CNOT4: variants seen among roughly 807,000 people sequenced by gnomAD.
CNOT4 encodes the protein CCR4-associated factor 4.
A neutral mutation model predicts 73.8 loss-of-function variants in CNOT4; 8 were observed. The ratio of observed to expected loss-of-function variants is 0.11; its 90% CI spans 0.06 to 0.20. The LOEUF (loss-of-function observed/expected upper bound fraction) is 0.20, where lower values mean the gene tolerates loss of function less well. CNOT4 is among the 10% of genes least tolerant of loss of function. The pLI, the probability that CNOT4 is intolerant of heterozygous loss-of-function variation, is 1.00. For missense variants in CNOT4, 564 were observed against 883.4 expected (o/e 0.64, Z 4.58); for synonymous variants, 293 against 321.1 (o/e 0.91, Z 0.94).
chr7:135,363,793 A>G lies in CNOT4; in HGVS notation c.1840+61T>C, dbSNP rs1794768998. The G allele has an allele frequency of 7.6e-7, 1 of 1,318,232 alleles. No individual in the cohort carries two copies. The highest frequency in any genetic ancestry group is 2.0e-5 in the Admixed American group (1 of 48,984). The allele number at this position is 1,318,232 out of a possible 1,614,324, so 81.7% of individuals were successfully genotyped here. On this transcript the variant is annotated intron_variant, in intron 11 of 11. Transcript: ENST00000541284. The surrounding 1 kb of genome is among the most constrained non-coding windows in gnomAD (Gnocchi z 4.3). ...GTTGAAGAGATCTCGGTTTTTATTTAATCTGTGCTAAAAACCAAACTGTTG... is the reference window on the plus strand; with the variant it reads ...GTTGAAGAGATCTCGGTTTTTATTTGATCTGTGCTAAAAACCAAACTGTTG...
chr7:135,507,795 G>A (rs957854198), intron 1 of CNOT4, among the ~76,000 whole-genome samples: 17 of 152,016 alleles, frequency 1.1e-4, no homozygotes, highest in Non-Finnish European at 2.5e-4. Flanking sequence ...ATTTTTTAGA[G>A]TTAAAGATCA....
In CNOT4 at chr7:135,363,495, C is replaced by T. The variant is rs1465818756; in HGVS notation, c.1841-309G>A. 6.6e-6 allele frequency among the ~76,000 whole-genome samples: 1 copy of T among 152,130 alleles called. No homozygotes were observed. Among genetic ancestry groups the T allele is most frequent in the South Asian group, 2.1e-4 (1 of 4,822 alleles). ...TGCTTTTCCTCCTCTGACAGGGATG[C>T]GTAACAAGACAGCCTTATAATAGAG... On this transcript the variant is annotated intron_variant, in intron 11 of 11. Transcript: ENST00000541284. This position sits in a 1 kb window ranked among gnomAD's most constrained non-coding sequence, Gnocchi z 4.3.
At chr7:135,489,951 G>A (rs1802998146) in intron 1 of CNOT4, among the ~76,000 whole-genome samples, 1 of 152,146 alleles carries the variant, frequency 6.6e-6, no homozygotes, top group Non-Finnish European at 1.5e-5. Flanking sequence ...AAGAACATTT[G>A]CCTCTAGAGA....
In CNOT4 at chr7:135,475,847, G is replaced by A. The variant is rs1047072597; in HGVS notation, c.-93+34042C>T. Among the ~76,000 whole-genome samples the A allele has an allele frequency of 2.0e-5, 3 of 152,106 alleles. No individual in the cohort carries two copies. In the South Asian group the frequency reaches 6.2e-4, roughly 32 times the overall value. ...GACAGCTTGAGCCCAGGAAGTCAGGGCTGCAGTGAGCTATGTTCACGCCAC... is the reference window on the plus strand; with the variant it reads ...GACAGCTTGAGCCCAGGAAGTCAGGACTGCAGTGAGCTATGTTCACGCCAC... On this transcript the variant is annotated intron_variant, in intron 1 of 11. Coordinates refer to ENST00000541284, the MANE Select transcript of CNOT4 (RefSeq NM_001190850.2).
rs1157321689 is a variant in CNOT4, at chr7:135,467,716, AT to A, written c.-92-29294del. Among the ~76,000 whole-genome samples the A allele has an allele frequency of 2.0e-5, 3 of 152,004 alleles. No individual in the cohort carries two copies. In the East Asian group the frequency reaches 5.8e-4, roughly 29 times the overall value. On this transcript the variant is annotated intron_variant, in intron 1 of 11. Transcript: ENST00000541284. ...ACAGAGCAAGACCCTGTCTCCAAAA[AT>A]TTTTTTAATTAAAAAAAGATAAAAA...
intron 2 of CNOT4, among the ~76,000 whole-genome samples, chr7:135,429,856 C>T (rs1407263525): frequency 6.6e-6 from 1 of 152,204 alleles, no homozygotes; most frequent in African/African-American, 2.4e-5. Context: ...TCTTCCAGTA[C>T]TTACCAGATC....
Position 135,378,307 on chromosome 7 carries a change from C to G in CNOT4, c.1628-14241G>C, listed in dbSNP as rs560055966. Reference sequence around the variant, plus strand: ...TCATCTGAGGTCAGGAGCTCGAGACCAGCCTGGCCAACAATGTGAAACCCT... The same window carrying G: ...TCATCTGAGGTCAGGAGCTCGAGACGAGCCTGGCCAACAATGTGAAACCCT... On this transcript the variant is annotated intron_variant, in intron 10 of 11. Transcript: ENST00000541284. Among the ~76,000 whole-genome samples, 114 of 152,022 alleles carry G rather than the reference C, an allele frequency of 7.5e-4. 1 individual carries two copies. Among genetic ancestry groups the G allele is most frequent in the African/African-American group, 2.4e-3 (98 of 41,472 alleles).
intron 10 of CNOT4, among the ~76,000 whole-genome samples, chr7:135,391,572 G>A (rs1299242055): frequency 1.3e-5 from 2 of 151,772 alleles, no homozygotes; most frequent in African/African-American, 2.4e-5. Context: ...TTGAGTATAT[G>A]GTAAAAGTTT....
At chr7:135,398,559 C>A (rs956021985) in intron 7 of CNOT4, among the ~76,000 whole-genome samples, 1 of 151,812 alleles carries the variant, frequency 6.6e-6, no homozygotes, top group Admixed American at 6.6e-5. Context: ...GCAAGTATCC[C>A]AAAATCCAAA....
rs145251294 is a variant in CNOT4, at chr7:135,443,906, T to G, written c.-92-5483A>C. Among the ~76,000 whole-genome samples, 1,140 of 152,206 alleles carry G rather than the reference T, an allele frequency of 7.5e-3. 10 individuals are homozygous for G. The highest frequency in any genetic ancestry group is 0.013 in the Non-Finnish European group (887 of 67,972). On this transcript the variant is annotated intron_variant, in intron 1 of 11. Transcript: ENST00000541284. ...GCTCACACTCACAGTCCTAGCACTT[T>G]GGGAGGCTGAGGCAGGCAAATCGTT...
At chr7:135,392,386 G>A (rs1796447071) in intron 10 of CNOT4, among the ~76,000 whole-genome samples, 1 of 152,082 alleles carries the variant, frequency 6.6e-6, no homozygotes, top group Non-Finnish European at 1.5e-5. Flanking sequence ...ATCTTTAAAT[G>A]TTTTGATGAT....
At chr7:135,445,879 T>C (rs1286369643) in intron 1 of CNOT4, among the ~76,000 whole-genome samples, 1 of 152,068 alleles carries the variant, frequency 6.6e-6, no homozygotes, top group Non-Finnish European at 1.5e-5. Context: ...TCACTTTTGG[T>C]TTCTTGTTTT....
chr7:135,473,474 G>T (rs1196065320), intron 1 of CNOT4, among the ~76,000 whole-genome samples: 2 of 152,116 alleles, frequency 1.3e-5, no homozygotes, highest in African/African-American at 4.8e-5. Flanking sequence ...TAGGCCTGGC[G>T]TGGTGGCTCA....
At chr7:135,438,930 T>C (rs1016345418) in intron 1 of CNOT4, among the ~76,000 whole-genome samples, 1 of 152,126 alleles carries the variant, frequency 6.6e-6, no homozygotes, top group Non-Finnish European at 1.5e-5. Flanking sequence ...TCGGATGCCA[T>C]AGAACCATAG....
intron 1 of CNOT4, among the ~76,000 whole-genome samples, chr7:135,445,884 T>G (rs796344411): frequency 3.9e-5 from 6 of 152,326 alleles, no homozygotes; most frequent in African/African-American, 1.4e-4. Flanking sequence ...TTTGGTTTCT[T>G]GTTTTTGAGA....
At chr7:135,445,770 G>C (rs1033827353) in intron 1 of CNOT4, among the ~76,000 whole-genome samples, 16 of 152,196 alleles carry the variant, frequency 1.1e-4, no homozygotes, top group Admixed American at 6.5e-4. Flanking sequence ...GTCACAAAAG[G>C]AATCAAATTC....
In CNOT4 at chr7:135,475,746, C is replaced by A. The variant is rs58624498; in HGVS notation, c.-93+34143G>T. On this transcript the variant is annotated intron_variant, in intron 1 of 11. Transcript: ENST00000541284. ...CCAACATGGCAAGACCCTGCCATTA[C>A]ACACACACAAAAAAATCAGCCACGC... Among the ~76,000 whole-genome samples, 4 of 152,142 alleles carry A rather than the reference C, an allele frequency of 2.6e-5. No homozygotes were observed. The East Asian group carries it at 5.8e-4, about 22-fold the overall frequency.
At chr7:135,431,543 A>G (rs985507622) in intron 2 of CNOT4, among the ~76,000 whole-genome samples, 47 of 152,088 alleles carry the variant, frequency 3.1e-4, no homozygotes, top group African/African-American at 1.1e-3. Context: ...GGAGATTGAG[A>G]CCATCCTGGC....
intron 6 of CNOT4, among the ~76,000 whole-genome samples, chr7:135,413,172 A>T (rs887108068): frequency 6.6e-6 from 1 of 152,094 alleles, no homozygotes; most frequent in African/African-American, 2.4e-5. Flanking sequence ...TTCCTGGTCA[A>T]CTAAGTTCTG....
Sources: allele counts gnomAD v4.1 joint callset (sites outside exome capture counted in the v4.1 genomes callset), GRCh38; gene constraint gnomAD v4.1.1; non-coding constraint Gnocchi (gnomAD v3.1); transcripts MANE v1.5; gene names NCBI Gene and HGNC (gene_info 2026-07-23, HGNC 2026-07-21).